The following RNF144B variants were observed in gnomAD, a reference collection of about 807,000 sequenced individuals.
The protein encoded by RNF144B is E3 ubiquitin-protein ligase RNF144B.
RNF144B carries 25 observed loss-of-function variants against 40.2 expected under a neutral mutation model. The ratio of observed to expected loss-of-function variants is 0.62; its 90% confidence interval spans 0.45 to 0.87. The LOEUF (loss-of-function observed/expected upper bound fraction) is 0.87. RNF144B is among the 40% of genes least tolerant of loss of function. The pLI is 0.00. For missense variants in RNF144B, 365 were observed against 373.7 expected (o/e 0.98, Z 0.19); for synonymous variants, 145 against 136.3 (o/e 1.06, Z -0.44).
intron 2 of RNF144B, 90 bp from the exon 3 acceptor site, chr6:18,427,491 T>G (rs971356554): frequency 2.5e-6 from 2 of 789,598 alleles, no homozygotes; most frequent in Non-Finnish European, 4.2e-6. Flanking sequence ...GACAGCCAAT[T>G]AAGGAAGAAG....
intron 4 of RNF144B, among the ~76,000 whole-genome samples, chr6:18,452,319 A>G (rs957416434): frequency 6.6e-6 from 1 of 152,182 alleles, no homozygotes; most frequent in African/African-American, 2.4e-5. Flanking sequence ...GACAGCAGCA[A>G]TTAACAAGAT....
chr6:18,398,028 C>T lies in RNF144B; in HGVS notation c.-36-1471C>T, dbSNP rs529748723. 6.6e-6 allele frequency among the ~76,000 whole-genome samples: 1 copy of T among 152,084 alleles called. No individual in the cohort carries two copies. Among genetic ancestry groups the T allele is most frequent in the East Asian group, 1.9e-4 (1 of 5,144 alleles). ...GGAGGTGGAGTCGGGAGGGTCATGT[C>T]AGTCCAGGAGTTCGAGGCTGCAGTG... On this transcript the variant is annotated intron_variant, in intron 1 of 7. Coordinates refer to ENST00000259939, the MANE Select transcript of RNF144B (RefSeq NM_182757.4). This position sits in a 1 kb window ranked among gnomAD's most constrained non-coding sequence, Gnocchi z 5.0.
intron 1 of RNF144B, among the ~76,000 whole-genome samples, chr6:18,388,608 C>T (rs140077627): frequency 6.6e-6 from 1 of 152,274 alleles, no homozygotes; most frequent in East Asian, 1.9e-4. Context: ...TGAGTCCCTC[C>T]TTCTCCTTAG....
intron 2 of RNF144B, among the ~76,000 whole-genome samples, chr6:18,427,247 G>A (rs1167656604): frequency 6.7e-5 from 9 of 134,608 alleles, no homozygotes; most frequent in Non-Finnish European, 1.2e-4. Flanking sequence ...AATGGAATTA[G>A]GAACTCATAT....
chr6:18,429,323 T>C (rs750791753), intron 3 of RNF144B, among the ~76,000 whole-genome samples: 3 of 148,402 alleles, frequency 2.0e-5, no homozygotes, highest in Non-Finnish European at 3.0e-5. Context: ...TGTGTGTGTA[T>C]AGATATATAT....
rs1341079564 is a variant in RNF144B at position 18,442,978 on chromosome 6, T to C, written c.331+3234T>C. 6.6e-6 allele frequency among the ~76,000 whole-genome samples: 1 copy of C among 152,226 alleles called. No homozygotes were observed. The highest frequency in any genetic ancestry group is 1.5e-5 in the Non-Finnish European group (1 of 68,036). ...GTTTCCACCTTTTGGCTACTGTAAG[T>C]AATGCTGCTGTGAACACTGGGGTAT... On this transcript the variant is annotated intron_variant, in intron 4 of 7. Coordinates refer to ENST00000259939, the MANE Select transcript of RNF144B (RefSeq NM_182757.4). This position sits in a 1 kb window ranked among gnomAD's most constrained non-coding sequence, Gnocchi z 4.3.
In RNF144B at chr6:18,387,357, G is replaced by C. The variant is rs765205000; in HGVS notation, c.-310G>C. On this transcript the variant is annotated 5_prime_UTR_variant, in exon 1 of 8. Transcript: ENST00000259939. ...GCTGCTACCGCTGCTGGCGAGCTGT[G>C]CCCCACGCTCCCGCTGCAACAGTCC... 6.1e-6 allele frequency: 7 copies of C among 1,152,974 alleles called. No individual in the cohort carries two copies. The highest frequency in any genetic ancestry group is 7.6e-6 in the Non-Finnish European group (7 of 921,560). The allele number at this position is 1,152,974 out of a possible 1,614,324, so 71.4% of individuals were successfully genotyped here. A position where few individuals can be genotyped will look rare whatever the true frequency, so the allele number is the denominator to read the frequency against.
At chr6:18,428,586 G>T (rs1453678510) in intron 3 of RNF144B, among the ~76,000 whole-genome samples, 2 of 151,694 alleles carry the variant, frequency 1.3e-5, no homozygotes, top group African/African-American at 4.9e-5. Flanking sequence ...AGAATATAAT[G>T]AACTCTTGTT....
At position 18,459,057 on chromosome 6, in the gene RNF144B, C is replaced by T. The variant is rs1759394874; in HGVS notation, c.537-550C>T. The stretch of plus-strand genomic sequence containing the variant: ...TGTGCTGGGTGGTGGTTTTGATGGG[C>T]AGTAGCTAAAGTGTTACATGGTGCT... On this transcript the variant is annotated intron_variant, in intron 5 of 7. Transcript: ENST00000259939. This position sits in a 1 kb window ranked among gnomAD's most constrained non-coding sequence, Gnocchi z 4.2. 6.6e-6 allele frequency among the ~76,000 whole-genome samples: 1 copy of T among 152,206 alleles called. No homozygotes were observed. Among genetic ancestry groups the T allele is most frequent in the Non-Finnish European group, 1.5e-5 (1 of 68,044 alleles).
Position 18,448,220 on chromosome 6 carries a change from G to A in RNF144B, c.331+8476G>A, listed in dbSNP as rs964726354. On this transcript the variant is annotated intron_variant, in intron 4 of 7. Transcript: ENST00000259939. The surrounding 1 kb of genome is among the most constrained non-coding windows in gnomAD (Gnocchi z 4.0). ...AAGGGATGATACAGGAGAGGGAGGGGGGAGGTAATTGCAGAAGCCAAATCC... is the reference window on the plus strand; with the variant it reads ...AAGGGATGATACAGGAGAGGGAGGGAGGAGGTAATTGCAGAAGCCAAATCC... Among the ~76,000 whole-genome samples, 3 of 152,014 alleles carry A rather than the reference G, an allele frequency of 2.0e-5. No homozygotes were observed. Among genetic ancestry groups the A allele is most frequent in the African/African-American group, 7.2e-5 (3 of 41,400 alleles).
At chr6:18,461,333 A>G (rs1186606362) in intron 6 of RNF144B, among the ~76,000 whole-genome samples, 1 of 152,236 alleles carries the variant, frequency 6.6e-6, no homozygotes, top group Non-Finnish European at 1.5e-5. Context: ...CCTAGCATGC[A>G]TCTAAGTGAG....
At chr6:18,462,072 G>A (rs1759467765) in intron 6 of RNF144B, among the ~76,000 whole-genome samples, 2 of 152,114 alleles carry the variant, frequency 1.3e-5, no homozygotes, top group African/African-American at 2.4e-5. Flanking sequence ...ACATATCCAT[G>A]CATTCGGCTG....
At chr6:18,409,068 T>C (rs1794976228) in intron 2 of RNF144B, among the ~76,000 whole-genome samples, 1 of 152,010 alleles carries the variant, frequency 6.6e-6, no homozygotes, top group Non-Finnish European at 1.5e-5. Context: ...ATTCCTGCTT[T>C]ATTAGTATAT....
rs780930316 is a variant in RNF144B, at chr6:18,419,565, C to A, written c.166-8016C>A. On this transcript the variant is annotated intron_variant, in intron 2 of 7. Coordinates refer to ENST00000259939, the MANE Select transcript of RNF144B (RefSeq NM_182757.4). The surrounding 1 kb of genome is among the most constrained non-coding windows in gnomAD (Gnocchi z 4.6). The stretch of plus-strand genomic sequence containing the variant: ...AATGAAAACCAGAAGAGTATGGGAT[C>A]CAGAAGACAAGGGGAAAAAGGGTTT... Among the ~76,000 whole-genome samples the A allele has an allele frequency of 2.4e-4, 36 of 152,080 alleles. No homozygotes were observed. The highest frequency in any genetic ancestry group is 2.0e-4 in the Admixed American group (3 of 15,262).
chr6:18,429,999 C>T (rs1758657627), intron 3 of RNF144B, among the ~76,000 whole-genome samples: 3 of 152,166 alleles, frequency 2.0e-5, no homozygotes, highest in Admixed American at 2.0e-4. Context: ...GGAGCTGTGT[C>T]TGCTATGAAA....
chr6:18,406,586 C>T lies in RNF144B; in HGVS notation c.165+6887C>T, dbSNP rs1360382349. On this transcript the variant is annotated intron_variant, in intron 2 of 7. Transcript: ENST00000259939. The surrounding 1 kb of genome is among the most constrained non-coding windows in gnomAD (Gnocchi z 4.2). ...CCCAGGAGAACCAGTGGTGTATTTC[C>T]AGTCCAAGTCTGAAGGCTTGAGAAC... 6.6e-6 allele frequency among the ~76,000 whole-genome samples: 1 copy of T among 151,486 alleles called. No individual in the cohort carries two copies. Among genetic ancestry groups the T allele is most frequent in the African/African-American group, 2.4e-5 (1 of 41,176 alleles).
In RNF144B at chr6:18,442,970, AC is replaced by A. The variant is rs1758997682; in HGVS notation, c.331+3227del. ...TTTCAGTTGTTTCCACCTTTTGGCT[AC>A]TGTAAGTAATGCTGCTGTGAACACT... On this transcript the variant is annotated intron_variant, in intron 4 of 7. Coordinates refer to ENST00000259939, the MANE Select transcript of RNF144B (RefSeq NM_182757.4). The surrounding 1 kb of genome is among the most constrained non-coding windows in gnomAD (Gnocchi z 4.3). 2.0e-5 allele frequency among the ~76,000 whole-genome samples: 3 copies of A among 152,156 alleles called. No individual in the cohort carries two copies. The highest frequency in any genetic ancestry group is 4.4e-5 in the Non-Finnish European group (3 of 68,032).
intron 3 of RNF144B, among the ~76,000 whole-genome samples, chr6:18,430,536 C>T (rs963756118): frequency 6.6e-6 from 1 of 151,984 alleles, no homozygotes; most frequent in Non-Finnish European, 1.5e-5. Flanking sequence ...CCTCTGTTGC[C>T]CATGCTGGAG....
chr6:18,404,705 G>A (rs1210043661), intron 2 of RNF144B, among the ~76,000 whole-genome samples: 1 of 149,864 alleles, frequency 6.7e-6, no homozygotes, highest in African/African-American at 2.4e-5. Context: ...GACTTAACAG[G>A]GAAAAAAAAG....
Sources: allele counts gnomAD v4.1 joint callset (sites outside exome capture counted in the v4.1 genomes callset), GRCh38; gene constraint gnomAD v4.1.1; non-coding constraint Gnocchi (gnomAD v3.1); transcripts MANE v1.5; gene names NCBI Gene and HGNC (gene_info 2026-07-23, HGNC 2026-07-21).